SLC4A4: variants seen among roughly 807,000 people sequenced by gnomAD.
SLC4A4 encodes electrogenic sodium bicarbonate cotransporter 1.
In SLC4A4, 27 loss-of-function variants were observed where a neutral mutation model predicts 111.5. The ratio of observed to expected loss-of-function variants is 0.24; its 90% CI spans 0.18 to 0.33. The LOEUF (loss-of-function observed/expected upper bound fraction) is 0.33. Among genes scored for constraint, SLC4A4 ranks in the 10% least tolerant of loss-of-function variants. The pLI is 1.00. For synonymous variants in SLC4A4, 443 were observed against 463.4 expected (o/e 0.96, Z 0.57); for missense variants, 909 against 1,315.5 (o/e 0.69, Z 4.78).
At chr4:71,460,595 G>A (rs1476861299) in intron 12 of SLC4A4, among the ~76,000 whole-genome samples, 1 of 152,136 alleles carries the variant, frequency 6.6e-6, no homozygotes, top group Non-Finnish European at 1.5e-5. Flanking sequence ...TAAGGATTTG[G>A]CAGCTGTGAT....
intron 12 of SLC4A4, among the ~76,000 whole-genome samples, chr4:71,456,797 G>A (rs928409084): frequency 4.6e-5 from 7 of 152,192 alleles, no homozygotes; most frequent in Non-Finnish European, 1.0e-4. Flanking sequence ...GTAGTGGGGT[G>A]TAGTGGGCTT....
intron 1 of SLC4A4, among the ~76,000 whole-genome samples, chr4:71,196,820 C>T (rs1162134366): frequency 1.3e-5 from 1 of 79,762 alleles, no homozygotes; most frequent in Non-Finnish European, 2.4e-5. Context: ...GGTGACAGAG[C>T]AAGACTCTGT....
chr4:71,426,944 G>A (rs1378647513), intron 7 of SLC4A4, among the ~76,000 whole-genome samples: 2 of 152,028 alleles, frequency 1.3e-5, no homozygotes, highest in African/African-American at 4.8e-5. Flanking sequence ...CACCAAGGGA[G>A]TGCTACATAT....
At chr4:71,141,600 A>T (rs1450037397) in intron 2 of SLC4A4, among the ~76,000 whole-genome samples, 2 of 152,170 alleles carry the variant, frequency 1.3e-5, no homozygotes, top group Non-Finnish European at 2.9e-5. Flanking sequence ...TCACTCTTTC[A>T]GAAATGTCTA....
At chr4:71,387,104 C>T (rs1487450190) in intron 6 of SLC4A4, among the ~76,000 whole-genome samples, 1 of 152,198 alleles carries the variant, frequency 6.6e-6, no homozygotes, top group Non-Finnish European at 1.5e-5. Context: ...TTCCTTGAAT[C>T]CATCCTTTTT....
At chr4:71,476,243 T>C (rs1266555335) in intron 14 of SLC4A4, among the ~76,000 whole-genome samples, 1 of 151,816 alleles carries the variant, frequency 6.6e-6, no homozygotes, top group East Asian at 1.9e-4. Flanking sequence ...GGTAGCAAAC[T>C]GAATACATTC....
At chr4:71,146,198 A>G (rs1051765365) in intron 2 of SLC4A4, among the ~76,000 whole-genome samples, 10 of 151,992 alleles carry the variant, frequency 6.6e-5, no homozygotes, top group Admixed American at 1.3e-4. Context: ...CCTTCATTTT[A>G]TTATGTACCC....
rs192606712 is a variant in SLC4A4, at chr4:71,424,757, C to T, written c.808-15859C>T. On this transcript the variant is annotated intron_variant, in intron 7 of 25. Coordinates refer to ENST00000264485, the MANE Select transcript of SLC4A4 (RefSeq NM_001098484.3). ...ATCGCAAGAACAAAAAACCAAACAC[C>T]GCATATTCTCACTCATAGGTGGGAA... 2.0e-3 allele frequency among the ~76,000 whole-genome samples: 298 copies of T among 152,004 alleles called. 1 individual carries two copies. Among genetic ancestry groups the T allele is most frequent in the African/African-American group, 4.2e-3 (173 of 41,456 alleles).
At chr4:71,279,466 C>CTATGTATGTATATATACATATATCCGTA (rs1723329268) in intron 3 of SLC4A4, among the ~76,000 whole-genome samples, 1 of 151,946 alleles carries the variant, frequency 6.6e-6, no homozygotes, top group East Asian at 1.9e-4. Flanking sequence ...TATTATATAT[C>CTATGTATGTATATATACATATATCCGTA]TATGTATGTA....
intron 3 of SLC4A4, among the ~76,000 whole-genome samples, chr4:71,280,345 A>G (rs1323746685): frequency 3.3e-5 from 5 of 152,096 alleles, no homozygotes. Context: ...CTTTCATTTC[A>G]TAGGTTGCTT....
Position 71,295,245 on chromosome 4 carries a change from C to A in SLC4A4, c.253+39846C>A, listed in dbSNP as rs1191046422. On this transcript the variant is annotated intron_variant, in intron 3 of 25. Coordinates refer to ENST00000264485, the MANE Select transcript of SLC4A4 (RefSeq NM_001098484.3). ...TGAGTCTTTTCCCATGATACTCTAACTCACAGGAACGGAACTGTTGCTGTA... is the reference window on the plus strand; with the variant it reads ...TGAGTCTTTTCCCATGATACTCTAAATCACAGGAACGGAACTGTTGCTGTA... Among the ~76,000 whole-genome samples the A allele has an allele frequency of 3.3e-5, 5 of 152,230 alleles. No individual in the cohort carries two copies. The South Asian group carries it at 1.0e-3, about 32-fold the overall frequency.
At chr4:71,177,072 C>T (rs548789685) in intron 2 of SLC4A4, among the ~76,000 whole-genome samples, 7 of 152,204 alleles carry the variant, frequency 4.6e-5, no homozygotes, top group East Asian at 1.9e-4. Context: ...CATATCCAGC[C>T]AAACTAAGCT....
At chr4:71,285,297 C>G (rs1166492327) in intron 3 of SLC4A4, among the ~76,000 whole-genome samples, 3 of 152,068 alleles carry the variant, frequency 2.0e-5, no homozygotes, top group Admixed American at 1.3e-4. Context: ...GTGAACCTAT[C>G]CTGACTCTCG....
chr4:71,347,891 A>T (rs1226212541), intron 4 of SLC4A4, among the ~76,000 whole-genome samples: 1 of 152,020 alleles, frequency 6.6e-6, no homozygotes, highest in Non-Finnish European at 1.5e-5. Context: ...AAATAAGCAT[A>T]CTCTTAGGAA....
intron 14 of SLC4A4, among the ~76,000 whole-genome samples, chr4:71,478,419 T>C (rs1343166509): frequency 6.6e-6 from 1 of 151,970 alleles, no homozygotes; most frequent in Non-Finnish European, 1.5e-5. Flanking sequence ...CATGGAATAC[T>C]ATGCAGCCAT....
chr4:71,380,817 T>A (rs956592398), intron 6 of SLC4A4, among the ~76,000 whole-genome samples: 2 of 152,190 alleles, frequency 1.3e-5, no homozygotes, highest in African/African-American at 4.8e-5. Context: ...TCTTGTTCTC[T>A]CTACTCTCAG....
chr4:71,409,750 G>A (rs1721191285), intron 7 of SLC4A4, among the ~76,000 whole-genome samples: 1 of 152,046 alleles, frequency 6.6e-6, no homozygotes, highest in Non-Finnish European at 1.5e-5. Context: ...ATGGGAAAAT[G>A]TCTTCAGGCC....
intron 4 of SLC4A4, among the ~76,000 whole-genome samples, chr4:71,345,930 C>T (rs1359387485): frequency 6.6e-6 from 1 of 152,034 alleles, no homozygotes; most frequent in African/African-American, 2.4e-5. Context: ...CAGGTACACA[C>T]TAACGTTGGC....
intron 4 of SLC4A4, among the ~76,000 whole-genome samples, chr4:71,344,671 A>G (rs576599261): frequency 6.6e-6 from 1 of 152,270 alleles, no homozygotes; most frequent in South Asian, 2.1e-4. Flanking sequence ...ACAGAACTCA[A>G]TATCATCCTT....
Sources: allele counts gnomAD v4.1 joint callset (sites outside exome capture counted in the v4.1 genomes callset), GRCh38; gene constraint gnomAD v4.1.1; transcripts MANE v1.5; gene names NCBI Gene and HGNC (gene_info 2026-07-23, HGNC 2026-07-21).